Variants in KDM4C observed in about 807,000 individuals in gnomAD.
The protein encoded by KDM4C is lysine-specific demethylase 4C.
KDM4C carries 81 observed loss-of-function variants against 129.3 expected under a neutral mutation model. The ratio of observed to expected loss-of-function variants is 0.63; its 90% CI spans 0.52 to 0.75. KDM4C has a LOEUF of 0.75. KDM4C is among the 30% of genes least tolerant of loss of function. KDM4C has a pLI of 0.00. For synonymous variants in KDM4C, 573 were observed against 456.1 expected (o/e 1.26, Z -3.26); for missense variants, 1,457 against 1,304.0 (o/e 1.12, Z -1.81).
At chr9:7,036,076 A>G (rs916648826) in intron 15 of KDM4C, among the ~76,000 whole-genome samples, 1 of 152,148 alleles carries the variant, frequency 6.6e-6, no homozygotes, top group Non-Finnish European at 1.5e-5. Context: ...TGCCTTGGGT[A>G]ATACTGTCAT....
At chr9:6,900,075 T>C (rs1817128780) in intron 8 of KDM4C, among the ~76,000 whole-genome samples, 1 of 152,252 alleles carries the variant, frequency 6.6e-6, no homozygotes, top group South Asian at 2.1e-4. Context: ...ATATGTCAGA[T>C]CGAGCTCTGG....
chr9:6,851,220 C>T (rs1282258950), intron 5 of KDM4C, among the ~76,000 whole-genome samples: 2 of 152,098 alleles, frequency 1.3e-5, no homozygotes, highest in South Asian at 2.1e-4. Context: ...CTCAAGTGAT[C>T]CTGCTGCCTC....
At position 6,969,928 on chromosome 9, in the gene KDM4C, C is replaced by T. The variant is rs1368181093; in HGVS notation, c.922-10997C>T. 1.3e-5 allele frequency among the ~76,000 whole-genome samples: 2 copies of T among 152,322 alleles called. 1 individual carries two copies. Among genetic ancestry groups the T allele is most frequent in the Middle Eastern group, 6.8e-3 (2 of 294 alleles). The stretch of plus-strand genomic sequence containing the variant: ...CAGGCAGTTGTTTCCCATGTTGTGG[C>T]AGAGATGACTGTTAGCTTCTGTAGG... On this transcript the variant is annotated intron_variant, in intron 8 of 21. Transcript: ENST00000381309.
intron 4 of KDM4C, among the ~76,000 whole-genome samples, chr9:6,819,549 G>A (rs1327741686): frequency 1.3e-5 from 2 of 152,200 alleles, no homozygotes; most frequent in East Asian, 3.8e-4. Context: ...GAGTTGGACT[G>A]ACATTTTCAT....
chr9:6,803,874 T>G (rs936994057), intron 2 of KDM4C, among the ~76,000 whole-genome samples: 1 of 152,096 alleles, frequency 6.6e-6, no homozygotes, highest in Non-Finnish European at 1.5e-5. Flanking sequence ...CAGACTGGAG[T>G]GCAGTGGTGT....
At chr9:7,059,084 T>C (rs1831260561) in intron 17 of KDM4C, among the ~76,000 whole-genome samples, 1 of 152,208 alleles carries the variant, frequency 6.6e-6, no homozygotes. Context: ...TAATGTAGAC[T>C]TTGATATTTT....
intron 11 of KDM4C, among the ~76,000 whole-genome samples, chr9:6,987,177 C>G (rs1817872419): frequency 6.6e-6 from 1 of 152,168 alleles, no homozygotes; most frequent in South Asian, 2.1e-4. Flanking sequence ...CCCACAGCTT[C>G]TATTTCAGTG....
At chr9:7,068,719 A>G (rs1832790519) in intron 17 of KDM4C, among the ~76,000 whole-genome samples, 1 of 105,934 alleles carries the variant, frequency 9.4e-6, no homozygotes, top group African/African-American at 4.0e-5. Flanking sequence ...TTTTTGAAAC[A>G]GAATTTTGCT....
At position 6,770,782 on chromosome 9, in the gene KDM4C, T is replaced by C. The variant is rs186964904; in HGVS notation, c.-18+12579T>C. ...GATTTTGATCCTTTTTTTTTTTTTT[T>C]TTTTTCCTTTTGAGATGGAATCTCG... On this transcript the variant is annotated intron_variant, in intron 1 of 21. Transcript: ENST00000381309. Among the ~76,000 whole-genome samples, 262 of 146,764 alleles carry C rather than the reference T, an allele frequency of 1.8e-3. 6 individuals are homozygous for C. The East Asian group carries it at 0.047, about 26-fold the overall frequency.
intron 5 of KDM4C, among the ~76,000 whole-genome samples, chr9:6,877,377 T>G (rs554145815): frequency 6.6e-6 from 1 of 152,280 alleles, no homozygotes; most frequent in African/African-American, 2.4e-5. Context: ...ATTTTTTGTA[T>G]TTTTAGTAGA....
chr9:6,728,024 A>C (rs1211477696), intron 1 of KDM4C, among the ~76,000 whole-genome samples: 2 of 149,910 alleles, frequency 1.3e-5, no homozygotes, highest in Non-Finnish European at 3.0e-5. Context: ...ACCACTACAG[A>C]ATACTAAATA....
At chr9:7,150,135 C>A (rs1040126595) in intron 19 of KDM4C, among the ~76,000 whole-genome samples, 1 of 152,198 alleles carries the variant, frequency 6.6e-6, no homozygotes. Context: ...CGAGCCCAAA[C>A]GAAATCAGGT....
chr9:7,006,146 A>G (rs1201276450), intron 12 of KDM4C, among the ~76,000 whole-genome samples: 1 of 152,246 alleles, frequency 6.6e-6, no homozygotes, highest in African/African-American at 2.4e-5. Flanking sequence ...GGGAAGTTTT[A>G]TTAATCTGCA....
At chr9:7,031,563 C>A (rs1826778187) in intron 15 of KDM4C, among the ~76,000 whole-genome samples, 1 of 151,958 alleles carries the variant, frequency 6.6e-6, no homozygotes, top group Admixed American at 6.6e-5. Context: ...ATGGAATATA[C>A]AATTGGAGTG....
At chr9:7,086,656 T>A (rs1835149775) in intron 17 of KDM4C, among the ~76,000 whole-genome samples, 1 of 152,174 alleles carries the variant, frequency 6.6e-6, no homozygotes, top group Non-Finnish European at 1.5e-5. Context: ...TTTGATTTTC[T>A]CCTCAGATAA....
chr9:7,010,492 C>G (rs150058712), intron 12 of KDM4C, among the ~76,000 whole-genome samples: 59 of 152,324 alleles, frequency 3.9e-4, no homozygotes, highest in African/African-American at 1.1e-3. Context: ...GGCTGGAACA[C>G]ACTTACTCAC....
At chr9:6,985,689 A>T (rs986273807) in intron 10 of KDM4C, among the ~76,000 whole-genome samples, 2 of 152,000 alleles carry the variant, frequency 1.3e-5, no homozygotes, top group Non-Finnish European at 2.9e-5. Context: ...CCCTTTTTTT[A>T]AAATTTTTAA....
At chr9:6,790,472 T>TC (rs890164993) in intron 1 of KDM4C, among the ~76,000 whole-genome samples, 8 of 150,878 alleles carry the variant, frequency 5.3e-5, no homozygotes, top group Non-Finnish European at 5.9e-5. Context: ...CAGGATGGTC[T>TC]CCATCTCCTG....
chr9:7,125,159 A>G (rs1438631930), intron 18 of KDM4C, among the ~76,000 whole-genome samples: 1 of 151,902 alleles, frequency 6.6e-6, no homozygotes, highest in East Asian at 1.9e-4. Flanking sequence ...CCATTTCTCT[A>G]GTTTCTCCTA....
Sources: gnomAD v4.1 joint callset for allele counts (sites outside exome capture counted in the v4.1 genomes callset) on GRCh38, gnomAD v4.1.1 for gene constraint, MANE v1.5 for transcripts, NCBI Gene and HGNC (gene_info 2026-07-23, HGNC 2026-07-21) for gene names.